CACNB2: variants seen among roughly 807,000 people sequenced by gnomAD.
CACNB2 encodes calcium voltage-gated channel auxiliary subunit beta 2.
Under a neutral mutation model 73.3 loss-of-function variants are expected in CACNB2, and 42 were observed. That is an observed-to-expected ratio of 0.57 (90% CI 0.45 to 0.74). CACNB2 has a LOEUF of 0.74. Ranked by LOEUF, CACNB2 falls within the 30% of genes least tolerant of loss-of-function variation. The pLI, the probability that CACNB2 is intolerant of heterozygous loss-of-function variation, is 0.00. For synonymous variants in CACNB2, 348 were observed against 310.3 expected (o/e 1.12, Z -1.28); for missense variants, 940 against 853.0 (o/e 1.10, Z -1.27).
intron 3 of CACNB2, among the ~76,000 whole-genome samples, chr10:18,465,871 G>C (rs1345988447): frequency 6.6e-6 from 1 of 151,988 alleles, no homozygotes; most frequent in East Asian, 1.9e-4. Context: ...AGTAGAGACA[G>C]GGTTTCACCA....
chr10:18,355,564 A>T (rs2041872503), intron 2 of CACNB2, among the ~76,000 whole-genome samples: 2 of 151,942 alleles, frequency 1.3e-5, no homozygotes, highest in Admixed American at 6.6e-5. Context: ...AGTCCTAGTT[A>T]TAATCACAAA....
intron 3 of CACNB2, among the ~76,000 whole-genome samples, chr10:18,440,150 G>A (rs1364996101): frequency 6.6e-6 from 1 of 151,872 alleles, no homozygotes; most frequent in Non-Finnish European, 1.5e-5. Context: ...GAGAGGGAGT[G>A]GAAGGGCAAA....
chr10:18,261,954 C>T (rs2037564924), intron 2 of CACNB2: 1 of 518,758 alleles, frequency 1.9e-6, no homozygotes, highest in Non-Finnish European at 3.8e-6. Context: ...TGATTGGATG[C>T]TAATTGCAAT....
At chr10:18,439,608 C>T (rs1047534310) in intron 3 of CACNB2, among the ~76,000 whole-genome samples, 14 of 152,220 alleles carry the variant, frequency 9.2e-5, no homozygotes, top group African/African-American at 2.9e-4. Flanking sequence ...CCCGCTATCA[C>T]CTTTGAAATC....
chr10:18,231,857 G>C (rs1199335734), intron 2 of CACNB2, among the ~76,000 whole-genome samples: 1 of 152,124 alleles, frequency 6.6e-6, no homozygotes, highest in African/African-American at 2.4e-5. Context: ...TCACTCCCCT[G>C]CTGAAACCCC....
At chr10:18,194,646 G>A (rs941439819) in intron 2 of CACNB2, among the ~76,000 whole-genome samples, 5 of 152,144 alleles carry the variant, frequency 3.3e-5, no homozygotes, top group African/African-American at 7.2e-5. Flanking sequence ...ATGGGTGTGG[G>A]GGAGATATAT....
intron 2 of CACNB2, among the ~76,000 whole-genome samples, chr10:18,175,452 A>AT (rs1163656347): frequency 2.0e-5 from 3 of 152,020 alleles, no homozygotes; most frequent in Admixed American, 1.3e-4. Context: ...AACATGCACA[A>AT]TTTTTTTTAT....
chr10:18,532,911 A>G (rs780463810), intron 10 of CACNB2: 3 of 151,970 alleles, frequency 2.0e-5, no homozygotes, highest in Non-Finnish European at 4.4e-5. Flanking sequence ...CAGTGGCCCA[A>G]TGTTATTTTA....
chr10:18,234,193 G>T (rs1363259678), intron 2 of CACNB2: 2 of 152,314 alleles, frequency 1.3e-5, no homozygotes, highest in African/African-American at 2.4e-5. Context: ...ACATGGCTGG[G>T]GTCTTCGTCT....
chr10:18,315,511 A>AAC (rs2040137929), intron 2 of CACNB2, among the ~76,000 whole-genome samples: 1 of 125,922 alleles, frequency 7.9e-6, no homozygotes, highest in Admixed American at 8.8e-5. Flanking sequence ...AAAAAAAAAA[A>AAC]AAAAAAAAAA....
intron 2 of CACNB2, among the ~76,000 whole-genome samples, chr10:18,400,384 C>G (rs926171716): frequency 2.0e-5 from 3 of 152,204 alleles, no homozygotes; most frequent in Non-Finnish European, 4.4e-5. Context: ...GAAACAGAAA[C>G]AGACACACAT....
At chr10:18,443,276 G>A (rs1052011128) in intron 3 of CACNB2, among the ~76,000 whole-genome samples, 4 of 152,004 alleles carry the variant, frequency 2.6e-5, no homozygotes, top group African/African-American at 9.6e-5. Context: ...AAACACCCTA[G>A]TGTCCTAACT....
intron 2 of CACNB2, among the ~76,000 whole-genome samples, chr10:18,162,054 T>C (rs1332611503): frequency 6.6e-6 from 1 of 152,156 alleles, no homozygotes; most frequent in East Asian, 1.9e-4. Context: ...TTCTGTAACT[T>C]TTAGGTTTTC....
At chr10:18,207,041 C>T (rs531710813) in intron 2 of CACNB2, among the ~76,000 whole-genome samples, 1 of 152,294 alleles carries the variant, frequency 6.6e-6, no homozygotes, top group Admixed American at 6.5e-5. Context: ...CAGAGTCTCA[C>T]TCTGTCACCC....
intron 3 of CACNB2, among the ~76,000 whole-genome samples, chr10:18,482,084 G>A (rs2048810748): frequency 6.6e-6 from 1 of 151,988 alleles, no homozygotes; most frequent in South Asian, 2.1e-4. Flanking sequence ...AGTAGAGATG[G>A]GGTTTTGCCA....
chr10:18,434,316 C>T (rs1164396677), intron 3 of CACNB2, among the ~76,000 whole-genome samples: 1 of 151,910 alleles, frequency 6.6e-6, no homozygotes, highest in Non-Finnish European at 1.5e-5. Context: ...AGTGATTTAA[C>T]ATAGGGAATT....
At chr10:18,458,848 C>T (rs2047417190) in intron 3 of CACNB2, among the ~76,000 whole-genome samples, 1 of 151,010 alleles carries the variant, frequency 6.6e-6, no homozygotes, top group Admixed American at 6.6e-5. Flanking sequence ...TCACTGCAAC[C>T]TCCGCCTCCC....
chr10:18,426,067 A>G lies in CACNB2; in HGVS notation c.333+24024A>G, dbSNP rs150016360. ...CATATTTTTCAGGATTGAACTGACT[A>G]TTCTTGGACCTTTCTGTTCCATATA... On this transcript the variant is annotated intron_variant, in intron 3 of 13. Transcript: ENST00000324631. Among the ~76,000 whole-genome samples, 601 of 152,362 alleles carry G rather than the reference A, an allele frequency of 3.9e-3. 3 individuals are homozygous for G. Among genetic ancestry groups the G allele is most frequent in the Non-Finnish European group, 7.0e-3 (476 of 68,036 alleles).
chr10:18,260,193 T>C (rs918743039), intron 2 of CACNB2, among the ~76,000 whole-genome samples: 2 of 152,182 alleles, frequency 1.3e-5, no homozygotes, highest in African/African-American at 4.8e-5. Flanking sequence ...GACATTTACA[T>C]GGTCTTTAGG....
Sources: gnomAD v4.1 joint callset for allele counts (sites outside exome capture counted in the v4.1 genomes callset) on GRCh38, gnomAD v4.1.1 for gene constraint, MANE v1.5 for transcripts, NCBI Gene and HGNC (gene_info 2026-07-23, HGNC 2026-07-21) for gene names.